PQBP1: variants seen among roughly 807,000 people sequenced by gnomAD.
PQBP1 encodes the protein polyglutamine binding protein 1, also known as polyglutamine-binding protein 1.
A neutral mutation model predicts 20.9 loss-of-function variants in PQBP1; 3 were observed. The observed-to-expected ratio is 0.14, with a 90% CI of 0.07 to 0.37. PQBP1 has a LOEUF of 0.37. Ranked by LOEUF, PQBP1 falls within the 10% of genes least tolerant of loss-of-function variation. The pLI, the probability that PQBP1 is intolerant of heterozygous loss-of-function variation, is 1.00. For synonymous variants in PQBP1, 83 were observed against 93.8 expected (o/e 0.88, Z 0.67); for missense variants, 162 against 240.3 (o/e 0.67, Z 2.16).
At chrX:48,898,173 A>C (rs1452628870) in intron 1 of PQBP1, 91 bp downstream of exon 1, 12 of 1,018,832 alleles carry the variant, frequency 1.2e-5, no homozygotes, top group South Asian at 4.6e-5. Flanking sequence ...CCCACCCGGC[A>C]GTCATGGGGA....
In PQBP1 at chrX:48,901,981, C is replaced by G; in HGVS notation, c.231C>G (p.Ser77=). 8.3e-7 allele frequency: 1 copy of G among 1,211,722 alleles called. No individual in the cohort carries two copies. Among genetic ancestry groups the G allele is most frequent in the Non-Finnish European group, 1.1e-6 (1 of 895,519 alleles). Residue 77 remains serine (S), a synonymous_variant, in exon 4 of 7, where the codon TCC becomes TCG. Coordinates refer to ENST00000447146, the MANE Select transcript of PQBP1 (RefSeq NM_001032382.2). ...ACACAGACCTTGTATCCTGGCTCTC[C>G]CCACATGACCCCAACTCCGTGGTTA... ...NADTDLVSWL[S]PHDPNSVVTK...
At position 48,898,785 on chromosome X, in the gene PQBP1, C is replaced by CTTTTTTT. The variant is rs34214032; in HGVS notation, c.67+242_67+248dup. Among the ~76,000 whole-genome samples the CTTTTTTT allele has an allele frequency of 6.4e-3, 137 of 21,483 alleles. 32 individuals carry two copies. The highest frequency in any genetic ancestry group is 7.6e-3 in the Non-Finnish European group (98 of 12,918). The allele number at this position is 21,483 out of a possible 115,157, so 18.7% of individuals were successfully genotyped here. A position where few individuals can be genotyped will look rare whatever the true frequency, so the allele number is the denominator to read the frequency against. ...GGGTTGGGGGAATAGATATTTCATT[C>CTTTTTTT]TTTTTTTTTTTTTTTTTTTTTTTTT... On this transcript the variant is annotated intron_variant, in intron 2 of 6. Transcript: ENST00000447146.
chrX:48,899,713 A>C (rs1234718105), intron 2 of PQBP1, among the ~76,000 whole-genome samples: 1 of 111,968 alleles, frequency 8.9e-6, no homozygotes, highest in Non-Finnish European at 1.9e-5. Flanking sequence ...ATCTAATAGG[A>C]AGTACTGCTA....
chrX:48,898,116 G>A lies in PQBP1; in HGVS notation c.-19+34G>A, dbSNP rs2063336381. 7 of 1,017,689 alleles carry A rather than the reference G, an allele frequency of 6.9e-6. No individual in the cohort carries two copies. In the South Asian group the frequency reaches 1.4e-4, roughly 21 times the overall value. 83.9% of individuals were successfully genotyped at this position (1,017,689 alleles called of 1,213,427 possible). A position where few individuals can be genotyped will look rare whatever the true frequency, so the allele number is the denominator to read the frequency against. On this transcript the variant is annotated intron_variant, in intron 1 of 6. Transcript: ENST00000447146. Reference sequence around the variant, plus strand: ...GGGGTGGGTGCACTCTTTTGGAGCTGGAGGAAGTGCTGCCCTCTGCTCCCC... The same window carrying A: ...GGGGTGGGTGCACTCTTTTGGAGCTAGAGGAAGTGCTGCCCTCTGCTCCCC...
chrX:48,898,114 C>A, intron 1 of PQBP1, 32 bp downstream of exon 1: 1 of 1,017,060 alleles, frequency 9.8e-7, no homozygotes. Flanking sequence ...TCTTTTGGAG[C>A]TGGAGGAAGT....
chrX:48,899,685 T>C (rs781839299), intron 2 of PQBP1, among the ~76,000 whole-genome samples: 3 of 111,712 alleles, frequency 2.7e-5, no homozygotes, highest in African/African-American at 6.5e-5. Context: ...GATTACTCTA[T>C]GGGGGTGATG....
chrX:48,897,952 G>T lies in PQBP1; in HGVS notation c.-149G>T. 1 of 881,440 alleles carries T rather than the reference G, an allele frequency of 1.1e-6. No homozygotes were observed. The highest frequency in any genetic ancestry group is 1.5e-6 in the Non-Finnish European group (1 of 652,794). 72.6% of individuals were successfully genotyped at this position (881,440 alleles called of 1,213,427 possible). A position where few individuals can be genotyped will look rare whatever the true frequency, so the allele number is the denominator to read the frequency against. On this transcript the variant is annotated 5_prime_UTR_variant, in exon 1 of 7. Transcript: ENST00000447146. Reference sequence around the variant, plus strand: ...GTCCAGTTACTTTCAGGCTCGGGGAGTGAAGGCCTCGTTGAGAGAAGGTCT... The same window carrying T: ...GTCCAGTTACTTTCAGGCTCGGGGATTGAAGGCCTCGTTGAGAGAAGGTCT...
At position 48,898,568 on chromosome X, in the gene PQBP1, T is replaced by C; in HGVS notation, c.59T>C (p.Leu20Pro). Reference protein sequence around the residue: ...RLAKRGILKHLEPEPEEEIIA... With the variant: ...RLAKRGILKHPEPEPEEEIIA... ...GCCAAGAGAGGCATCCTCAAACATC[T>C]GGAGCCTGGTGAGACAGCTAAAAGC... The change falls in exon 2 of 7, where the codon CTG becomes CCG. Residue 20 changes from leucine (L) to proline (P), a missense_variant. By Grantham distance (98) the Leu-to-Pro change is moderately conservative (BLOSUM62 -3). Transcript: ENST00000447146. 8.3e-7 allele frequency: 1 copy of C among 1,209,697 alleles called. No individual in the cohort carries two copies. Among genetic ancestry groups the C allele is most frequent in the Non-Finnish European group, 1.1e-6 (1 of 894,353 alleles).
chrX:48,901,167 T>C (rs1557040977), intron 2 of PQBP1, 23 bp from the exon 3 acceptor site: 2 of 1,200,887 alleles, frequency 1.7e-6, no homozygotes, highest in Non-Finnish European at 2.2e-6. Flanking sequence ...TCTGCTCTCC[T>C]CATCCCCACC....
chrX:48,902,062 C>T lies in PQBP1; in HGVS notation c.292+20C>T, dbSNP rs1569510395. On this transcript the variant is annotated intron_variant, in intron 4 of 6. Coordinates refer to ENST00000447146, the MANE Select transcript of PQBP1 (RefSeq NM_001032382.2). ...ATGCAGGTGAGTTGGCAGGTACAAG[C>T]GTGCCTTGAGTGATCTTAGCAGTTC... is the stretch of plus-strand genomic sequence containing the variant. 9 of 1,211,191 alleles carry T rather than the reference C, an allele frequency of 7.4e-6. No individual in the cohort carries two copies. Among genetic ancestry groups the T allele is most frequent in the Non-Finnish European group, 1.0e-5 (9 of 895,404 alleles).
Position 48,901,196 on chromosome X carries a change from A to C in PQBP1, c.74A>C (p.Glu25Ala). The change falls in exon 3 of 7, where the codon GAG (glutamate) becomes GCG (alanine). Residue 25 changes from glutamate to alanine, a missense_variant. Glu to Ala is a moderately radical substitution (Grantham distance 107). Coordinates refer to ENST00000447146, the MANE Select transcript of PQBP1 (RefSeq NM_001032382.2). ...CCCCACCTTGTTCTACCAGAACCAG[A>C]GGAAGAGATCATTGCCGAGGACTAT... ...GILKHLEPEP[E>A]EEIIAEDYDD... 1 of 1,208,855 alleles carries C rather than the reference A, an allele frequency of 8.3e-7. No individual in the cohort carries two copies. The highest frequency in any genetic ancestry group is 1.1e-6 in the Non-Finnish European group (1 of 894,188).
intron 2 of PQBP1, among the ~76,000 whole-genome samples, chrX:48,900,284 CTTTTTTTTTTTTT>C (rs1162086780): frequency 2.5e-4 from 8 of 32,480 alleles, no homozygotes; most frequent in Admixed American, 8.7e-4. Flanking sequence ...CATTGATTTA[CTTTTTTTTTTTTT>C]TTTTTTTTTT....
intron 1 of PQBP1, 148 bp downstream of exon 1, chrX:48,898,230 G>C (rs2063339099): frequency 2.2e-6 from 2 of 912,194 alleles, no homozygotes; most frequent in Non-Finnish European, 3.1e-6. Context: ...GGGCTTCTTA[G>C]GCTGTGGGCG....
Position 48,902,975 on chromosome X carries a change from G to C in PQBP1, c.689G>C (p.Gly230Ala). The C allele has an allele frequency of 8.3e-7, 1 of 1,201,514 alleles. No individual in the cohort carries two copies. Among genetic ancestry groups the C allele is most frequent in the Non-Finnish European group, 1.1e-6 (1 of 890,567 alleles). Residue 230 changes from glycine (G) to alanine (A), a missense_variant, in exon 7 of 7, where the codon GGC becomes GCC. Transcript: ENST00000447146. Reference sequence around the variant, plus strand: ...CCCAAGCGGAATGAGGCCAAGACTGGCGCTGACACCACAGCAGCTGGGCCC... The same window carrying C: ...CCCAAGCGGAATGAGGCCAAGACTGCCGCTGACACCACAGCAGCTGGGCCC... ...GLPKRNEAKT[G>A]ADTTAAGPLF...
At position 48,902,479 on chromosome X, in the gene PQBP1, G is replaced by A. The variant is rs907427275; in HGVS notation, c.539G>A (p.Arg180His). The change falls in exon 5 of 7, where the codon CGC becomes CAC. Residue 180 changes from arginine to histidine, a missense_variant. Transcript: ENST00000447146. ...GAGGGCAAAGAACGGCGCCACCATC[G>A]CCGGGAGGAGCTGGCTCCCTATCCC... ...REEGKERRHH[R>H]REELAPYPKS... 3 of 1,206,324 alleles carry A rather than the reference G, an allele frequency of 2.5e-6. No individual in the cohort carries two copies. Among genetic ancestry groups the A allele is most frequent in the South Asian group, 3.6e-5 (2 of 55,699 alleles).
At chrX:48,898,451 C>G in intron 1 of PQBP1, 41 bp from the exon 2 acceptor site, 1 of 1,137,995 alleles carries the variant, frequency 8.8e-7, no homozygotes, top group Non-Finnish European at 1.2e-6. Flanking sequence ...AGATAGGAAT[C>G]TTTATCTGAG....
At position 48,898,585 on chromosome X, in the gene PQBP1, G is replaced by C; in HGVS notation, c.67+9G>C. ...CAAACATCTGGAGCCTGGTGAGACAGCTAAAAGCAGATGGTCCTAACACGT... is the reference window on the plus strand; with the variant it reads ...CAAACATCTGGAGCCTGGTGAGACACCTAAAAGCAGATGGTCCTAACACGT... On this transcript the variant is annotated intron_variant, in intron 2 of 6. Transcript: ENST00000447146. 1.7e-6 allele frequency: 2 copies of C among 1,206,524 alleles called. No individual in the cohort carries two copies. The highest frequency in any genetic ancestry group is 2.2e-5 in the Admixed American group (1 of 45,786).
At chrX:48,899,022 G>C (rs1195400915) in intron 2 of PQBP1, among the ~76,000 whole-genome samples, 1 of 99,517 alleles carries the variant, frequency 1.0e-5, no homozygotes, top group Non-Finnish European at 2.0e-5. Context: ...CTGTCGCCCA[G>C]GCTGGAGTGC....
chrX:48,901,548 G>A, intron 3 of PQBP1: 1 of 665,155 alleles, frequency 1.5e-6, no homozygotes, highest in Non-Finnish European at 2.3e-6. Flanking sequence ...GTGTGATCTC[G>A]GCTTATGGCA....
Sources: gnomAD v4.1 joint callset for allele counts (sites outside exome capture counted in the v4.1 genomes callset) on GRCh38, gnomAD v4.1.1 for gene constraint, MANE v1.5 for transcripts, NCBI Gene and HGNC (gene_info 2026-07-23, HGNC 2026-07-21) for gene names.